Variants in SLC25A26 observed in about 807,000 individuals in gnomAD.
The protein encoded by SLC25A26 is mitochondrial S-adenosylmethionine carrier protein.
SLC25A26 carries 36 observed loss-of-function variants against 37.8 expected under a neutral mutation model. The observed-to-expected ratio is 0.95, with a 90% CI of 0.73 to 1.26. SLC25A26 has a LOEUF of 1.26. Ranked by LOEUF, SLC25A26 falls within the 50% of genes most tolerant of loss-of-function variation. The pLI is 0.00. For synonymous variants in SLC25A26, 129 were observed against 122.5 expected (o/e 1.05, Z -0.35); for missense variants, 390 against 331.1 (o/e 1.18, Z -1.38).
rs941157560 is a variant in SLC25A26, at chr3:66,296,531, A to G, written c.453+33152A>G. On this transcript the variant is annotated intron_variant, in intron 5 of 9. Transcript: ENST00000354883. ...ATTTAAATAATCAGTTTTAAGAGTA[A>G]AAGCTTTGGCAACTATGAAAGCATA... is the stretch of plus-strand genomic sequence containing the variant. Among the ~76,000 whole-genome samples, 9 of 152,210 alleles carry G rather than the reference A, an allele frequency of 5.9e-5. No individual in the cohort carries two copies. In the South Asian group the frequency reaches 1.9e-3, roughly 31 times the overall value.
chr3:66,299,249 T>C (rs1002746341), intron 5 of SLC25A26, among the ~76,000 whole-genome samples: 4 of 152,180 alleles, frequency 2.6e-5, no homozygotes, highest in African/African-American at 9.7e-5. Context: ...TGGAGTGCAG[T>C]GGCACAGTCT....
At chr3:66,295,134 CA>C (rs150148857) in intron 5 of SLC25A26, among the ~76,000 whole-genome samples, 1,802 of 152,282 alleles carry the variant, frequency 0.012, 34 homozygotes, top group African/African-American at 0.04. Context: ...GGATGTTAAA[CA>C]GGCATCACTC....
chr3:66,264,382 A>AC (rs1325222705), intron 5 of SLC25A26, among the ~76,000 whole-genome samples: 1 of 152,144 alleles, frequency 6.6e-6, no homozygotes, highest in African/African-American at 2.4e-5. Flanking sequence ...TAAGACAGGG[A>AC]CCCCAACCCC....
intron 1 of SLC25A26, among the ~76,000 whole-genome samples, chr3:66,165,299 C>T (rs142503598): frequency 0.012 from 1,796 of 152,294 alleles, 36 homozygotes; most frequent in East Asian, 0.067. Context: ...TTGACTGCAA[C>T]CTCATGAGAA....
Position 66,287,209 on chromosome 3 carries a change from T to G in SLC25A26, c.453+23830T>G, listed in dbSNP as rs146052810. 4.9e-3 allele frequency among the ~76,000 whole-genome samples: 734 copies of G among 150,888 alleles called. 11 individuals carry two copies. Among genetic ancestry groups the G allele is most frequent in the African/African-American group, 0.013 (536 of 41,038 alleles). On this transcript the variant is annotated intron_variant, in intron 5 of 9. Coordinates refer to ENST00000354883, the MANE Select transcript of SLC25A26 (RefSeq NM_001379210.1). ...TACTCAGGAGGCTGAGGCAGGAGAA[T>G]AGCGTGAACCTGGGAGGCGGAGCTT...
chr3:66,301,854 C>T (rs780598093), intron 5 of SLC25A26, among the ~76,000 whole-genome samples: 7 of 152,176 alleles, frequency 4.6e-5, no homozygotes, highest in Admixed American at 1.3e-4. Context: ...AGCTCCAGTA[C>T]TTAGCCATGT....
intron 3 of SLC25A26, among the ~76,000 whole-genome samples, chr3:66,247,711 ATAATC>A (rs1276624047): frequency 6.6e-6 from 1 of 152,218 alleles, no homozygotes; most frequent in East Asian, 1.9e-4. Flanking sequence ...TGATGCTCTA[ATAATC>A]TTTGATCTTA....
At position 66,283,474 on chromosome 3, in the gene SLC25A26, G is replaced by T. The variant is rs1351179903; in HGVS notation, c.453+20095G>T. Among the ~76,000 whole-genome samples, 5 of 152,026 alleles carry T rather than the reference G, an allele frequency of 3.3e-5. No homozygotes were observed. In the East Asian group the frequency reaches 9.6e-4, roughly 29 times the overall value. On this transcript the variant is annotated intron_variant, in intron 5 of 9. Coordinates refer to ENST00000354883, the MANE Select transcript of SLC25A26 (RefSeq NM_001379210.1). Reference sequence around the variant, plus strand: ...TTTTGTATTTTTTTGTAGAGATGGGGTTTCACCACGTTGCCCAGGCTGGTC... The same window carrying T: ...TTTTGTATTTTTTTGTAGAGATGGGTTTTCACCACGTTGCCCAGGCTGGTC...
intron 1 of SLC25A26, among the ~76,000 whole-genome samples, chr3:66,231,279 G>A (rs1362854364): frequency 1.3e-5 from 2 of 152,138 alleles, no homozygotes; most frequent in Non-Finnish European, 2.9e-5. Context: ...TGCAGAGGAG[G>A]TAGCTTAGGG....
chr3:66,253,423 A>T (rs2073174345), intron 3 of SLC25A26, among the ~76,000 whole-genome samples: 1 of 149,648 alleles, frequency 6.7e-6, no homozygotes, highest in Non-Finnish European at 1.5e-5. Flanking sequence ...AAAAATGTTG[A>T]GGTGGAAAGA....
intron 1 of SLC25A26, among the ~76,000 whole-genome samples, chr3:66,136,320 A>G (rs186741466): frequency 1.1e-4 from 16 of 152,336 alleles, no homozygotes; most frequent in Non-Finnish European, 1.6e-4. Flanking sequence ...TATGATAGTC[A>G]TGATTTTACC....
chr3:66,342,336 C>T (rs1185393366), intron 5 of SLC25A26, among the ~76,000 whole-genome samples: 1 of 151,968 alleles, frequency 6.6e-6, no homozygotes, highest in African/African-American at 2.4e-5. Flanking sequence ...CTTTCTTGGT[C>T]CTTAGGCTTC....
intron 5 of SLC25A26, among the ~76,000 whole-genome samples, chr3:66,283,885 A>C (rs1157109285): frequency 1.3e-5 from 2 of 152,134 alleles, no homozygotes; most frequent in Admixed American, 6.5e-5. Flanking sequence ...ATTTACTTTA[A>C]TCTCCATTTT....
intron 6 of SLC25A26, among the ~76,000 whole-genome samples, chr3:66,355,243 A>T (rs1330292372): frequency 1.3e-5 from 2 of 152,070 alleles, no homozygotes; most frequent in African/African-American, 2.4e-5. Context: ...CATTAGTTCA[A>T]GATTTTCTTA....
rs2106880686 is a variant in SLC25A26, at chr3:66,222,497, A to C, written c.33+1370A>C. ...CGCCTGGCCAATGTTACCGCTTTTA[A>C]GGAGCTTTCCTGTCTAGCTGGTGAC... On this transcript the variant is annotated intron_variant, in intron 1 of 9. Transcript: ENST00000354883. Among the ~76,000 whole-genome samples, 2 of 152,338 alleles carry C rather than the reference A, an allele frequency of 1.3e-5. 1 individual carries two copies. Among genetic ancestry groups the C allele is most frequent in the Non-Finnish European group, 2.9e-5 (2 of 68,028 alleles).
intron 6 of SLC25A26, among the ~76,000 whole-genome samples, chr3:66,358,193 T>C (rs908566907): frequency 1.3e-5 from 2 of 152,210 alleles, no homozygotes; most frequent in African/African-American, 2.4e-5. Flanking sequence ...TCCCTCCAAA[T>C]AGATGAGCAA....
intron 5 of SLC25A26, among the ~76,000 whole-genome samples, chr3:66,314,910 T>C (rs772524534): frequency 1.3e-5 from 2 of 152,192 alleles, no homozygotes; most frequent in African/African-American, 2.4e-5. Context: ...TTTGTTTGCA[T>C]TGAGGTGTTT....
At chr3:66,243,715 T>C (rs1251846671) in intron 3 of SLC25A26, among the ~76,000 whole-genome samples, 2 of 152,226 alleles carry the variant, frequency 1.3e-5, no homozygotes, top group Non-Finnish European at 2.9e-5. Flanking sequence ...ATTTGCATGT[T>C]CTTTGTAAGG....
chr3:66,377,894 G>A lies in SLC25A26; in HGVS notation c.*87G>A. 1 of 1,020,052 alleles carries A rather than the reference G, an allele frequency of 9.8e-7. No individual in the cohort carries two copies. The allele number at this position is 1,020,052 out of a possible 1,614,324, so 63.2% of individuals were successfully genotyped here. A position where few individuals can be genotyped will look rare whatever the true frequency, so the allele number is the denominator to read the frequency against. ...CCGCTGAGCAGCTGTCTGAACTATAGGCCCCAGTGCTGAAGACCAGTTGTG... is the reference window on the plus strand; with the variant it reads ...CCGCTGAGCAGCTGTCTGAACTATAAGCCCCAGTGCTGAAGACCAGTTGTG... On this transcript the variant is annotated 3_prime_UTR_variant, in exon 10 of 10. Transcript: ENST00000354883.
Sources: allele counts gnomAD v4.1 joint callset (sites outside exome capture counted in the v4.1 genomes callset), GRCh38; gene constraint gnomAD v4.1.1; transcripts MANE v1.5; gene names NCBI Gene and HGNC (gene_info 2026-07-23, HGNC 2026-07-21).